The following LRMDA variants were observed in gnomAD, a reference collection of about 807,000 sequenced individuals.
LRMDA encodes leucine rich melanocyte differentiation associated, also known as leucine-rich melanocyte differentiation-associated protein.
In LRMDA, 18 loss-of-function variants were observed where a neutral mutation model predicts 29.8. That is an observed-to-expected ratio of 0.60 (90% CI 0.42 to 0.90). LRMDA has a LOEUF of 0.90. LRMDA is among the 40% of genes least tolerant of loss of function. The probability of loss-of-function intolerance (pLI) is 0.00; values close to 1 mark genes in which losing one functional copy is unlikely to be tolerated. For missense variants in LRMDA, 273 were observed against 273.9 expected, an observed-to-expected ratio of 1.00 and a Z score of 0.02; for synonymous variants, 125 against 109.4, an observed-to-expected ratio of 1.14 and a Z score of -0.89.
At chr10:76,180,629 G>C (rs894703344) in intron 5 of LRMDA, among the ~76,000 whole-genome samples, 1 of 151,980 alleles carries the variant, frequency 6.6e-6, no homozygotes, top group African/African-American at 2.4e-5. Flanking sequence ...AGGTTTAAAG[G>C]CCACTAAGGA....
At chr10:76,537,601 T>C (rs1361383836) in intron 6 of LRMDA, among the ~76,000 whole-genome samples, 1 of 152,220 alleles carries the variant, frequency 6.6e-6, no homozygotes, top group East Asian at 1.9e-4. Context: ...CCAGTGACAC[T>C]GCACCGCTCT....
intron 5 of LRMDA, among the ~76,000 whole-genome samples, chr10:76,113,636 C>T (rs1849616785): frequency 6.6e-6 from 1 of 152,144 alleles, no homozygotes; most frequent in Non-Finnish European, 1.5e-5. Flanking sequence ...AAGGGCAGTG[C>T]TTCTAGAAAT....
chr10:76,447,097 A>G (rs963192690), intron 6 of LRMDA, among the ~76,000 whole-genome samples: 1 of 151,646 alleles, frequency 6.6e-6, no homozygotes, highest in Non-Finnish European at 1.5e-5. Flanking sequence ...TGCACTCAGA[A>G]TTATTTCCTC....
At chr10:76,433,953 A>G (rs1160956044) in intron 6 of LRMDA, among the ~76,000 whole-genome samples, 5 of 152,196 alleles carry the variant, frequency 3.3e-5, no homozygotes, top group Non-Finnish European at 7.3e-5. Flanking sequence ...ACCTTTGACA[A>G]ATTCCCAAAT....
chr10:75,757,673 C>T (rs545033943), intron 2 of LRMDA, among the ~76,000 whole-genome samples: 174 of 152,182 alleles, frequency 1.1e-3, no homozygotes, highest in Non-Finnish European at 1.9e-3. Flanking sequence ...ATGGTATGTA[C>T]GGTACTTAGA....
intron 2 of LRMDA, among the ~76,000 whole-genome samples, chr10:75,761,377 T>G (rs1021963916): frequency 1.3e-5 from 2 of 152,232 alleles, no homozygotes. Context: ...TTCTGATATG[T>G]GTTACACCAC....
At position 75,757,506 on chromosome 10, in the gene LRMDA, G is replaced by T. The variant is rs1843046035; in HGVS notation, c.132-278502G>T. 3.3e-5 allele frequency among the ~76,000 whole-genome samples: 5 copies of T among 152,152 alleles called. No individual in the cohort carries two copies. The South Asian group carries it at 1.0e-3, about 32-fold the overall frequency. ...CCTGTCACATGCGGTTGTTAGGGGT[G>T]GGGGCCCTGGCATTGGTCCCCCCGT... is the stretch of plus-strand genomic sequence containing the variant. On this transcript the variant is annotated intron_variant, in intron 2 of 6. Coordinates refer to ENST00000611255, the MANE Select transcript of LRMDA (RefSeq NM_001305581.2).
At chr10:75,585,844 C>T (rs1840649090) in intron 2 of LRMDA, among the ~76,000 whole-genome samples, 2 of 152,188 alleles carry the variant, frequency 1.3e-5, no homozygotes, top group African/African-American at 2.4e-5. Flanking sequence ...CTTCTCCCCT[C>T]ATCCCCTGGC....
At chr10:75,543,089 G>C (rs1589175867) in intron 2 of LRMDA, among the ~76,000 whole-genome samples, 1 of 152,196 alleles carries the variant, frequency 6.6e-6, no homozygotes, top group East Asian at 1.9e-4. Flanking sequence ...AGGCTGCCTA[G>C]AGCCAAGGTC....
At chr10:75,757,480 C>G (rs952847572) in intron 2 of LRMDA, among the ~76,000 whole-genome samples, 1 of 152,126 alleles carries the variant, frequency 6.6e-6, no homozygotes, top group Non-Finnish European at 1.5e-5. Context: ...ATGCAGTGAT[C>G]CCTGTCACAT....
intron 2 of LRMDA, among the ~76,000 whole-genome samples, chr10:75,946,922 C>T (rs532309897): frequency 2.6e-5 from 4 of 152,266 alleles, no homozygotes; most frequent in Admixed American, 2.6e-4. Context: ...TGGTTGAACA[C>T]CTTCACGTCA....
intron 2 of LRMDA, among the ~76,000 whole-genome samples, chr10:75,714,749 T>A (rs1008372884): frequency 1.2e-4 from 18 of 152,170 alleles, no homozygotes; most frequent in Non-Finnish European, 2.1e-4. Flanking sequence ...GATTTTTTTT[T>A]AATTATGAGG....
At chr10:76,388,861 G>GA (rs779763396) in intron 6 of LRMDA, among the ~76,000 whole-genome samples, 1 of 152,172 alleles carries the variant, frequency 6.6e-6, no homozygotes, top group Non-Finnish European at 1.5e-5. Context: ...ACAAGAATCT[G>GA]AAGTCATGGA....
chr10:75,985,510 C>T (rs1051200017), intron 2 of LRMDA, among the ~76,000 whole-genome samples: 1 of 152,220 alleles, frequency 6.6e-6, no homozygotes, highest in Non-Finnish European at 1.5e-5. Context: ...CTGTGAACTC[C>T]ACAAGGCTTT....
At chr10:76,084,172 T>TTTTTC (rs1345928909) in intron 5 of LRMDA, among the ~76,000 whole-genome samples, 3 of 150,144 alleles carry the variant, frequency 2.0e-5, no homozygotes, top group South Asian at 2.1e-4. Flanking sequence ...AATATTATGT[T>TTTTTC]TTTTCTTTTC....
intron 6 of LRMDA, among the ~76,000 whole-genome samples, chr10:76,380,670 TAAAA>T (rs531185581): frequency 1.8e-5 from 1 of 54,750 alleles, no homozygotes. Context: ...CTCCACTTCA[TAAAA>T]AAAAAAAAAA....
intron 2 of LRMDA, among the ~76,000 whole-genome samples, chr10:75,951,416 T>C (rs1180462928): frequency 6.6e-6 from 1 of 152,078 alleles, no homozygotes; most frequent in Non-Finnish European, 1.5e-5. Flanking sequence ...GAACAGTCTG[T>C]GGCAGGAGGA....
chr10:75,530,068 CAT>C (rs1390532013), intron 2 of LRMDA, among the ~76,000 whole-genome samples: 1 of 151,652 alleles, frequency 6.6e-6, no homozygotes, highest in Non-Finnish European at 1.5e-5. Flanking sequence ...TTAAAACATA[CAT>C]ATATTTTAGG....
chr10:75,834,447 C>T (rs555844557), intron 2 of LRMDA, among the ~76,000 whole-genome samples: 1 of 152,276 alleles, frequency 6.6e-6, no homozygotes, highest in South Asian at 2.1e-4. Flanking sequence ...CAGTGAACCT[C>T]CTAATTTTAA....
Sources: gnomAD v4.1 joint callset for allele counts (sites outside exome capture counted in the v4.1 genomes callset) on GRCh38, gnomAD v4.1.1 for gene constraint, MANE v1.5 for transcripts, NCBI Gene and HGNC (gene_info 2026-07-23, HGNC 2026-07-21) for gene names.